The following SWT1 variants were observed in gnomAD, a reference collection of about 807,000 sequenced individuals.
SWT1 encodes transcriptional protein SWT1.
Under a neutral mutation model 107.3 loss-of-function variants are expected in SWT1, and 33 were observed. That is an observed-to-expected ratio of 0.31 (90% CI 0.23 to 0.41). The LOEUF (loss-of-function observed/expected upper bound fraction) is 0.41. Among genes scored for constraint, SWT1 ranks in the 10% least tolerant of loss-of-function variants. SWT1 has a pLI of 1.00. For missense variants in SWT1, 898 were observed against 1,028.9 expected (o/e 0.87, Z 1.74); for synonymous variants, 345 against 348.3 (o/e 0.99, Z 0.11).
At chr1:185,199,912 G>C (rs932881429) in intron 10 of SWT1, among the ~76,000 whole-genome samples, 1 of 152,032 alleles carries the variant, frequency 6.6e-6, no homozygotes, top group Non-Finnish European at 1.5e-5. Flanking sequence ...TTTTCACATA[G>C]TTCCATATTT....
chr1:185,278,122 C>T (rs1278154240), intron 18 of SWT1, among the ~76,000 whole-genome samples: 1 of 152,112 alleles, frequency 6.6e-6, no homozygotes, highest in Non-Finnish European at 1.5e-5. Flanking sequence ...GCCACCATGC[C>T]CAGCCGCAAA....
rs371365235 is a variant in SWT1 at position 185,286,506 on chromosome 1, G to A, written c.2574-4168G>A. Reference sequence around the variant, plus strand: ...CCCAAAGTGCTGGGATTACAGGCATGAGCCACCGCATATGGGCAGTGTACA... The same window carrying A: ...CCCAAAGTGCTGGGATTACAGGCATAAGCCACCGCATATGGGCAGTGTACA... On this transcript the variant is annotated intron_variant, in intron 18 of 18. Transcript: ENST00000367500. 2.6e-5 allele frequency among the ~76,000 whole-genome samples: 4 copies of A among 152,268 alleles called. No individual in the cohort carries two copies. The South Asian group carries it at 8.3e-4, about 32-fold the overall frequency.
At chr1:185,281,045 A>G (rs1664587536) in intron 18 of SWT1, 2 of 274,722 alleles carry the variant, frequency 7.3e-6, no homozygotes, top group Admixed American at 8.5e-5. Flanking sequence ...TTTTATGAAG[A>G]TGACAAAGAT....
intron 5 of SWT1, chr1:185,177,148 T>C: frequency 3.8e-6 from 2 of 526,218 alleles, no homozygotes; most frequent in Non-Finnish European, 4.9e-6. Flanking sequence ...TGAATTGAGT[T>C]TGTTTTCACT....
At chr1:185,172,869 C>T (rs1271772481) in intron 4 of SWT1, among the ~76,000 whole-genome samples, 1 of 151,754 alleles carries the variant, frequency 6.6e-6, no homozygotes, top group African/African-American at 2.4e-5. Context: ...CATGATGAAA[C>T]CCCGTCTCTA....
At chr1:185,230,105 G>A (rs570752818) in intron 15 of SWT1, among the ~76,000 whole-genome samples, 8 of 152,284 alleles carry the variant, frequency 5.3e-5, no homozygotes, top group South Asian at 4.1e-4. Flanking sequence ...TGAGTTTTAC[G>A]ACAGTTATAA....
intron 14 of SWT1, among the ~76,000 whole-genome samples, chr1:185,219,935 T>C (rs976888266): frequency 5.3e-5 from 8 of 151,980 alleles, no homozygotes; most frequent in Admixed American, 6.6e-5. Flanking sequence ...ACAACCAGTC[T>C]GGGCAACCAA....
At chr1:185,224,800 A>G (rs1659928217) in intron 15 of SWT1, among the ~76,000 whole-genome samples, 1 of 152,070 alleles carries the variant, frequency 6.6e-6, no homozygotes, top group African/African-American at 2.4e-5. Flanking sequence ...TGACTTTTGT[A>G]TGTTGATTAG....
In SWT1 at chr1:185,221,895, A is replaced by G; in HGVS notation, c.2168A>G (p.Lys723Arg). 1 of 1,607,512 alleles carries G rather than the reference A, an allele frequency of 6.2e-7. No individual in the cohort carries two copies. ...AATTCTTCAGAAAACACAGTGACTA[A>G]AAAGCAGGAAGGTACTTCATTGAAG... ...KPNSSENTVT[K>R]KQEGTSLKNS... is the part of the protein sequence containing the mutation. Residue 723 changes from lysine to arginine, a missense_variant, in exon 15 of 19, where the codon AAA becomes AGA. This residue lies in a region of SWT1 where 382 missense variants were observed against 460.0 expected (regional missense o/e 0.83). Transcript: ENST00000367500.
chr1:185,216,961 A>AG (rs1438630220), intron 14 of SWT1, among the ~76,000 whole-genome samples: 2 of 151,480 alleles, frequency 1.3e-5, no homozygotes, highest in Admixed American at 6.6e-5. Flanking sequence ...CAAAAAAAAA[A>AG]AAAAGAAAAG....
At chr1:185,157,877 C>T (rs1653761246) in intron 1 of SWT1, among the ~76,000 whole-genome samples, 1 of 152,090 alleles carries the variant, frequency 6.6e-6, no homozygotes, top group Admixed American at 6.6e-5. Context: ...GCTAGCGAGT[C>T]CCCTGTCCCC....
rs1020252526 is a variant in SWT1 at position 185,270,223 on chromosome 1, A to G, written c.2442-1100A>G. Among the ~76,000 whole-genome samples the G allele has an allele frequency of 3.3e-5, 5 of 151,998 alleles. No individual in the cohort carries two copies. The South Asian group carries it at 1.0e-3, about 31-fold the overall frequency. ...TCACACAGCTAGACAAAACTCACACAGTTGAGGCAGACAGTACTCAGAGGC... is the reference window on the plus strand; with the variant it reads ...TCACACAGCTAGACAAAACTCACACGGTTGAGGCAGACAGTACTCAGAGGC... On this transcript the variant is annotated intron_variant, in intron 16 of 18. Transcript: ENST00000367500.
intron 18 of SWT1, among the ~76,000 whole-genome samples, chr1:185,287,012 T>G (rs1454394833): frequency 6.6e-6 from 1 of 152,192 alleles, no homozygotes; most frequent in Non-Finnish European, 1.5e-5. Flanking sequence ...TCATTTTTCT[T>G]TTATTTGACG....
rs750776614 is a variant in SWT1, at chr1:185,184,728, CTT to C, written c.1241-11_1241-10del. 2 of 1,591,624 alleles carry C rather than the reference CTT, an allele frequency of 1.3e-6. No individual in the cohort carries two copies. The highest frequency in any genetic ancestry group is 1.1e-5 in the South Asian group (1 of 88,288). ...AAATGTTTGTTAAATTCTAAGAAATCTTTTTATTTTTTAGGTTTTGACAAACT... is the reference window on the plus strand; with the variant it reads ...AAATGTTTGTTAAATTCTAAGAAATCTTTATTTTTTAGGTTTTGACAAACT... On this transcript the variant is annotated splice_polypyrimidine_tract_variant and intron_variant, in intron 8 of 18. Coordinates refer to ENST00000367500, the MANE Select transcript of SWT1 (RefSeq NM_017673.7).
At chr1:185,205,951 G>A (rs944650282) in intron 12 of SWT1, among the ~76,000 whole-genome samples, 1 of 152,054 alleles carries the variant, frequency 6.6e-6, no homozygotes, top group Non-Finnish European at 1.5e-5. Context: ...TGTAACAAGT[G>A]ACAGTTGTCA....
At chr1:185,223,469 C>T (rs910337689) in intron 15 of SWT1, among the ~76,000 whole-genome samples, 18 of 152,224 alleles carry the variant, frequency 1.2e-4, no homozygotes, top group African/African-American at 4.3e-4. Flanking sequence ...GTGTGAGCCA[C>T]CGCACCTGGC....
At chr1:185,163,107 G>A (rs1289925774) in intron 2 of SWT1, among the ~76,000 whole-genome samples, 4 of 152,084 alleles carry the variant, frequency 2.6e-5, no homozygotes, top group Non-Finnish European at 4.4e-5. Context: ...TGGTAATTAC[G>A]GAAGGATGGG....
intron 4 of SWT1, among the ~76,000 whole-genome samples, 187 bp from the exon 5 acceptor site, chr1:185,174,185 T>C (rs1170300143): frequency 6.6e-6 from 1 of 152,208 alleles, no homozygotes. Flanking sequence ...AATTTTTTTT[T>C]CCAAATAGCA....
intron 4 of SWT1, among the ~76,000 whole-genome samples, chr1:185,170,902 T>C (rs1654997317): frequency 6.6e-6 from 1 of 152,224 alleles, no homozygotes; most frequent in African/African-American, 2.4e-5. Context: ...ATTGACACTG[T>C]CATTTTCCAC....
Sources: allele counts gnomAD v4.1 joint callset (sites outside exome capture counted in the v4.1 genomes callset), GRCh38; gene constraint gnomAD v4.1.1; regional missense constraint gnomAD v4.1.1; transcripts MANE v1.5; gene names NCBI Gene and HGNC (gene_info 2026-07-23, HGNC 2026-07-21).